The following TNS1 variants were observed in gnomAD, a reference collection of about 807,000 sequenced individuals.
The protein encoded by TNS1 is tensin 1, also known as tensin-1.
Under a neutral mutation model 168.6 loss-of-function variants are expected in TNS1, and 62 were observed. The observed-to-expected ratio is 0.37, with a 90% CI of 0.30 to 0.45. The LOEUF (loss-of-function observed/expected upper bound fraction) is 0.45, where lower values mean the gene tolerates loss of function less well. TNS1 is among the 20% of genes least tolerant of loss of function. The pLI, the probability that TNS1 is intolerant of heterozygous loss-of-function variation, is 1.00. For missense variants in TNS1, 2,240 were observed against 2,339.4 expected, an observed-to-expected ratio of 0.96 and a Z score of 0.88; for synonymous variants, 934 against 933.2, an observed-to-expected ratio of 1.00 and a Z score of -0.02.
rs549059516 is a variant in TNS1, at chr2:217,830,248, G to A, written c.3373+1207C>T. On this transcript the variant is annotated intron_variant, in intron 22 of 32. Coordinates refer to ENST00000682258, the MANE Select transcript of TNS1 (RefSeq NM_001387777.1). ...GCTGGCTGGTGAGAGGCAGCCCCCAGCCCCCTTCTACTGATCCCCCGTGGC... is the reference window on the plus strand; with the variant it reads ...GCTGGCTGGTGAGAGGCAGCCCCCAACCCCCTTCTACTGATCCCCCGTGGC... 4.7e-5 allele frequency: 62 copies of A among 1,325,758 alleles called. 1 individual carries two copies. The East Asian group carries it at 1.0e-3, about 22-fold the overall frequency. 82.1% of individuals were successfully genotyped at this position (1,325,758 alleles called of 1,614,324 possible).
chr2:217,956,050 T>C (rs908774049), intron 3 of TNS1, among the ~76,000 whole-genome samples: 1 of 151,750 alleles, frequency 6.6e-6, no homozygotes, highest in Non-Finnish European at 1.5e-5. Flanking sequence ...AGTCCCAGAG[T>C]CACGGAAGGC....
chr2:218,031,035 TGTGA>T (rs1277309130), intron 1 of TNS1, among the ~76,000 whole-genome samples: 1 of 150,538 alleles, frequency 6.6e-6, no homozygotes, highest in East Asian at 2.0e-4. Flanking sequence ...TGTGTGTGTA[TGTGA>T]GTGAGCATGT....
chr2:217,986,414 G>C lies in TNS1; in HGVS notation c.148+4528C>G, dbSNP rs1958193235. 6.6e-6 allele frequency among the ~76,000 whole-genome samples: 1 copy of C among 152,220 alleles called. No homozygotes were observed. Among genetic ancestry groups the C allele is most frequent in the Non-Finnish European group, 1.5e-5 (1 of 68,042 alleles). On this transcript the variant is annotated intron_variant, in intron 2 of 32. Coordinates refer to ENST00000682258, the MANE Select transcript of TNS1 (RefSeq NM_001387777.1). The surrounding 1 kb of genome is among the most constrained non-coding windows in gnomAD (Gnocchi z 4.7). Reference sequence around the variant, plus strand: ...CTCACCAGAGGCATTGAGAAGTGAAGTTTTATCCAAGTCTGGGCCCCAGAT... The same window carrying C: ...CTCACCAGAGGCATTGAGAAGTGAACTTTTATCCAAGTCTGGGCCCCAGAT...
At chr2:217,830,009 G>A in intron 22 of TNS1, 1 of 1,490,550 alleles carries the variant, frequency 6.7e-7, no homozygotes, top group South Asian at 1.4e-5. Context: ...TCTTGAGAAA[G>A]AGAATCTGTG....
chr2:217,903,957 C>A (rs1025441701), intron 6 of TNS1: 3 of 327,384 alleles, frequency 9.2e-6, no homozygotes, highest in Non-Finnish European at 5.5e-6. Flanking sequence ...GTCCACAGAC[C>A]AAACACAACA....
At chr2:217,985,345 T>A (rs981563109) in intron 2 of TNS1, 1 of 152,184 alleles carries the variant, frequency 6.6e-6, no homozygotes, top group African/African-American at 2.4e-5. Context: ...TATATATATA[T>A]AATCTCATTT....
chr2:217,997,084 C>T (rs1402948996), intron 1 of TNS1, among the ~76,000 whole-genome samples: 1 of 152,072 alleles, frequency 6.6e-6, no homozygotes, highest in Non-Finnish European at 1.5e-5. Context: ...CTTCTAGGCA[C>T]ATTCAAGGGC....
intron 22 of TNS1, among the ~76,000 whole-genome samples, chr2:217,825,045 C>G (rs78942976): frequency 6.6e-6 from 1 of 152,192 alleles, no homozygotes; most frequent in Non-Finnish European, 1.5e-5. Flanking sequence ...AGGCACACAT[C>G]CATTTTTCTC....
At chr2:217,929,562 G>A (rs1211912345) in intron 3 of TNS1, among the ~76,000 whole-genome samples, 1 of 152,114 alleles carries the variant, frequency 6.6e-6, no homozygotes, top group Non-Finnish European at 1.5e-5. Context: ...GCACGGAGGG[G>A]CCCAGGGCAT....
chr2:218,024,678 C>T (rs1402706535), intron 1 of TNS1, among the ~76,000 whole-genome samples: 1 of 152,176 alleles, frequency 6.6e-6, no homozygotes, highest in African/African-American at 2.4e-5. Context: ...CCAGAGGACA[C>T]CCAAGGTTAT....
intron 6 of TNS1, among the ~76,000 whole-genome samples, chr2:217,904,402 C>T (rs748345693): frequency 1.3e-5 from 2 of 152,162 alleles, no homozygotes; most frequent in Admixed American, 6.5e-5. Context: ...TGGAGAGTCC[C>T]GTGGCTGGGC....
intron 19 of TNS1, 97 bp from the exon 20 acceptor site, chr2:217,836,308 C>A: frequency 8.1e-7 from 1 of 1,229,450 alleles, no homozygotes. Flanking sequence ...CCTCCTAGCT[C>A]AGAGGCCATG....
chr2:218,010,198 T>G (rs1023257922), exon 1 of TNS1: 1 of 399,000 alleles, frequency 2.5e-6, no homozygotes, highest in Non-Finnish European at 4.4e-6. Flanking sequence ...CGAGTCATGC[T>G]GACCCCGAGA....
intron 4 of TNS1, among the ~76,000 whole-genome samples, chr2:217,915,454 A>C (rs1954899406): frequency 1.3e-5 from 2 of 152,340 alleles, no homozygotes; most frequent in South Asian, 4.1e-4. Flanking sequence ...AAGCACTGAC[A>C]ACTGTGGCAG....
At chr2:218,007,881 G>A (rs938773175), upstream of TNS1, among the ~76,000 whole-genome samples, 2 of 152,184 alleles carry the variant, frequency 1.3e-5, no homozygotes, top group South Asian at 2.1e-4. Flanking sequence ...GCCCTGGCAT[G>A]AGATGCATCA....
intron 18 of TNS1, chr2:217,850,617 ACACACACG>A: frequency 2.1e-6 from 2 of 960,768 alleles, no homozygotes; most frequent in Non-Finnish European, 2.5e-6. Context: ...ACACACACAC[ACACACACG>A]CACGCACGCA....
chr2:217,900,638 C>A (rs752507683), intron 6 of TNS1, 126 bp from the exon 7 acceptor site: 2 of 1,027,582 alleles, frequency 1.9e-6, no homozygotes, highest in South Asian at 2.9e-5. Flanking sequence ...TCTGGCCCTG[C>A]CACCCTAACC....
chr2:217,898,755 G>A (rs1251071398), intron 7 of TNS1, among the ~76,000 whole-genome samples: 2 of 152,250 alleles, frequency 1.3e-5, no homozygotes, highest in Non-Finnish European at 2.9e-5. Context: ...TCCCGGAGAG[G>A]TGGGGAGGCC....
At chr2:217,852,911 G>C (rs981227179) in intron 18 of TNS1, among the ~76,000 whole-genome samples, 7 of 152,152 alleles carry the variant, frequency 4.6e-5, no homozygotes, top group Non-Finnish European at 1.0e-4. Flanking sequence ...TTGCTGAGTT[G>C]TCCTCTTCCT....
Sources: allele counts gnomAD v4.1 joint callset (sites outside exome capture counted in the v4.1 genomes callset), GRCh38; gene constraint gnomAD v4.1.1; non-coding constraint Gnocchi (gnomAD v3.1); transcripts MANE v1.5; gene names NCBI Gene and HGNC (gene_info 2026-07-23, HGNC 2026-07-21).